Variants in KDM3B observed in about 807,000 individuals in gnomAD.
The protein encoded by KDM3B is lysine demethylase 3B.
KDM3B carries 10 observed loss-of-function variants against 170.0 expected under a neutral mutation model. That is an observed-to-expected ratio of 0.06 (90% confidence interval 0.04 to 0.10). The LOEUF is 0.10. KDM3B is among the 10% of genes least tolerant of loss of function. The pLI is 1.00. For missense variants in KDM3B, 1,394 were observed against 2,195.2 expected, an observed-to-expected ratio of 0.64 and a Z score of 7.29; for synonymous variants, 831 against 834.8, an observed-to-expected ratio of 1.00 and a Z score of 0.08.
At chr5:138,403,357 C>A (rs999552194) in intron 11 of KDM3B, among the ~76,000 whole-genome samples, 4 of 152,166 alleles carry the variant, frequency 2.6e-5, no homozygotes, top group African/African-American at 7.2e-5. Context: ...TAGGAAAAAA[C>A]CCCAGAATGA....
At chr5:138,410,624 C>T (rs1175443215) in intron 11 of KDM3B, among the ~76,000 whole-genome samples, 1 of 152,136 alleles carries the variant, frequency 6.6e-6, no homozygotes, top group Non-Finnish European at 1.5e-5. Flanking sequence ...CCCGGGGGAC[C>T]ACTACCACCA....
Position 138,415,244 on chromosome 5 carries a change from GGAA to G in KDM3B, c.3307+6_3307+8del. ...CACAAATTATTCCTGGCACAGGTAA[GGAA>G]ATTCCTTTTTTAGATTTGGTGGAAG... On this transcript the variant is annotated splice_donor_region_variant and intron_variant, in intron 12 of 23. Transcript: ENST00000314358. The G allele has an allele frequency of 6.3e-7, 1 of 1,575,708 alleles. No individual in the cohort carries two copies.
intron 11 of KDM3B, among the ~76,000 whole-genome samples, chr5:138,406,368 G>A (rs1043873603): frequency 1.3e-5 from 2 of 152,070 alleles, no homozygotes; most frequent in Admixed American, 1.3e-4. Flanking sequence ...TTAAGGTCAG[G>A]CACAGTGGCT....
rs762978508 is a variant in KDM3B at position 138,375,075 on chromosome 5, T to G, written c.361-18T>G. On this transcript the variant is annotated intron_variant, in intron 2 of 23. Transcript: ENST00000314358. ...TATTCCCAAGTTCTAATCAATTTCT[T>G]GTCATTGTACTTCACAGACTTTTAC... The G allele has an allele frequency of 6.7e-6, 9 of 1,351,826 alleles. No homozygotes were observed. The highest frequency in any genetic ancestry group is 9.5e-6 in the Non-Finnish European group (9 of 945,362). The allele number at this position is 1,351,826 out of a possible 1,614,324, so 83.7% of individuals were successfully genotyped here.
Position 138,430,329 on chromosome 5 carries a change from C to A in KDM3B, c.4974C>A (p.Leu1658=), listed in dbSNP as rs1763498642. The change falls in exon 22 of 24, where the codon CTC becomes CTA. Residue 1658 remains leucine, a synonymous_variant. Transcript: ENST00000314358. ...AAAGTTGGTACCTGGACCAGACCCT[C>A]CGTAAGCGACTCTATGAGGAGTATG... ...HDQSWYLDQT[L]RKRLYEEYGV... is the part of the protein sequence containing the mutation. 1 of 1,614,196 alleles carries A rather than the reference C, an allele frequency of 6.2e-7. No individual in the cohort carries two copies.
chr5:138,403,830 C>CA (rs370451547), intron 11 of KDM3B, among the ~76,000 whole-genome samples: 33,423 of 124,750 alleles, frequency 0.27, 4,289 homozygotes, highest in East Asian at 0.56. Flanking sequence ...CCATCTCAAC[C>CA]AAAAAAAAAA....
At chr5:138,377,106 A>T (rs1285699312) in intron 3 of KDM3B, among the ~76,000 whole-genome samples, 1 of 152,122 alleles carries the variant, frequency 6.6e-6, no homozygotes, top group Non-Finnish European at 1.5e-5. Flanking sequence ...CTTTGTTGAT[A>T]TGTCTTCCTC....
intron 6 of KDM3B, among the ~76,000 whole-genome samples, chr5:138,385,062 C>A (rs894499180): frequency 6.6e-6 from 1 of 151,758 alleles, no homozygotes; most frequent in Non-Finnish European, 1.5e-5. Flanking sequence ...CCTCTTGTTG[C>A]CCAGGCTGGA....
chr5:138,403,602 G>A lies in KDM3B; in HGVS notation c.3199+3590G>A, dbSNP rs532772305. Among the ~76,000 whole-genome samples the A allele has an allele frequency of 5.0e-4, 76 of 151,752 alleles. 1 individual carries two copies. Among genetic ancestry groups the A allele is most frequent in the Non-Finnish European group, 1.0e-3 (69 of 67,902 alleles). ...TGAGGCAGGAGAATCACTTGAACCC[G>A]GGAGGCAGAGCTTGCAGTGAGCCAA... On this transcript the variant is annotated intron_variant, in intron 11 of 23. Transcript: ENST00000314358.
In KDM3B at chr5:138,425,550, G is replaced by A. The variant is rs529065296; in HGVS notation, c.4379G>A (p.Arg1460Gln). The change falls in exon 17 of 24, where the codon CGG (arginine) becomes CAG (glutamine). Residue 1460 changes from arginine to glutamine, a missense_variant. Physicochemically the swap from Arg to Gln is conservative, Grantham distance 43. Coordinates refer to ENST00000314358, the MANE Select transcript of KDM3B (RefSeq NM_016604.4). ...GCTATAATTTCCGATGTGAAAGTTC[G>A]GGATTTCTGGGATGGTTTCGAGATC... ...NCAIISDVKVRDFWDGFEIIC... is the reference protein window; with the variant it reads ...NCAIISDVKVQDFWDGFEIIC... The A allele has an allele frequency of 3.7e-6, 6 of 1,614,004 alleles. No homozygotes were observed. The highest frequency in any genetic ancestry group is 2.2e-5 in the South Asian group (2 of 91,064).
intron 12 of KDM3B, among the ~76,000 whole-genome samples, chr5:138,415,638 C>T (rs1763083823): frequency 1.3e-5 from 2 of 150,702 alleles, no homozygotes; most frequent in South Asian, 4.2e-4. Flanking sequence ...TTTTCAGAGA[C>T]GGAGTCCCAA....
chr5:138,406,174 CATCTCTACAAAAA>C (rs931814150), intron 11 of KDM3B, among the ~76,000 whole-genome samples: 8 of 151,798 alleles, frequency 5.3e-5, no homozygotes, highest in African/African-American at 1.9e-4. Context: ...GCAAGACTCC[CATCTCTACAAAAA>C]ATTTAAAAAT....
chr5:138,404,080 AG>A (rs943603235), intron 11 of KDM3B, among the ~76,000 whole-genome samples: 3 of 152,236 alleles, frequency 2.0e-5, no homozygotes, highest in African/African-American at 7.2e-5. Context: ...AAAACAAAGC[AG>A]AGAAAAATGA....
chr5:138,415,351 T>A (rs531466655), intron 12 of KDM3B, 112 bp downstream of exon 12: 2 of 545,758 alleles, frequency 3.7e-6, no homozygotes, highest in Non-Finnish European at 6.6e-6. Context: ...TTAAGCATCA[T>A]CAGATTTCTC....
At chr5:138,413,283 G>A (rs1184511604) in intron 11 of KDM3B, among the ~76,000 whole-genome samples, 1 of 151,720 alleles carries the variant, frequency 6.6e-6, no homozygotes, top group African/African-American at 2.4e-5. Flanking sequence ...CTCGGGAGGC[G>A]GAGGCAGGAG....
chr5:138,384,547 G>A (rs1010625032), intron 6 of KDM3B, among the ~76,000 whole-genome samples: 3 of 151,878 alleles, frequency 2.0e-5, no homozygotes, highest in Non-Finnish European at 4.4e-5. Flanking sequence ...AGACCAACCT[G>A]GCCAGCATGG....
intron 7 of KDM3B, among the ~76,000 whole-genome samples, chr5:138,390,435 A>T (rs1224153250): frequency 6.6e-6 from 1 of 152,214 alleles, no homozygotes; most frequent in East Asian, 1.9e-4. Flanking sequence ...CCATAAATAG[A>T]TGCCGAAATC....
intron 1 of KDM3B, among the ~76,000 whole-genome samples, chr5:138,356,673 C>T (rs759572265): frequency 8.3e-4 from 107 of 128,494 alleles, no homozygotes; most frequent in Non-Finnish European, 1.3e-3. Flanking sequence ...GACACAGTCT[C>T]GCTGTGTCAC....
intron 11 of KDM3B, among the ~76,000 whole-genome samples, chr5:138,404,816 C>T (rs956588634): frequency 1.1e-4 from 16 of 151,922 alleles, no homozygotes; most frequent in African/African-American, 3.4e-4. Flanking sequence ...CTCATCTTCC[C>T]GAGTTCAAGC....
Sources: allele counts gnomAD v4.1 joint callset (sites outside exome capture counted in the v4.1 genomes callset), GRCh38; gene constraint gnomAD v4.1.1; transcripts MANE v1.5; gene names NCBI Gene and HGNC (gene_info 2026-07-23, HGNC 2026-07-21).